DHX35: variants seen among roughly 807,000 people sequenced by gnomAD.
DHX35 encodes probable ATP-dependent RNA helicase DHX35.
DHX35 carries 84 observed loss-of-function variants against 99.6 expected under a neutral mutation model. That is an observed-to-expected ratio of 0.84 (90% CI 0.71 to 1.01). The LOEUF is 1.01. DHX35 is among the 50% of genes least tolerant of loss of function. The probability of loss-of-function intolerance (pLI) is 0.00; values close to 1 mark genes in which losing one functional copy is unlikely to be tolerated. For missense variants in DHX35, 852 were observed against 888.5 expected, an observed-to-expected ratio of 0.96 and a Z score of 0.52; for synonymous variants, 331 against 316.2, an observed-to-expected ratio of 1.05 and a Z score of -0.50.
chr20:38,998,972 T>C (rs2086473828), intron 8 of DHX35, among the ~76,000 whole-genome samples: 1 of 152,120 alleles, frequency 6.6e-6, no homozygotes, highest in Admixed American at 6.5e-5. Context: ...AATTTTTTTG[T>C]ATTTTTAGTA....
rs760844 is a variant in DHX35 at position 38,988,332 on chromosome 20, A to G, written c.346-481A>G. Among the ~76,000 whole-genome samples, 26 of 152,336 alleles carry G rather than the reference A, an allele frequency of 1.7e-4. 1 individual carries two copies. Among genetic ancestry groups the G allele is most frequent in the African/African-American group, 6.3e-4 (26 of 41,574 alleles). On this transcript the variant is annotated intron_variant, in intron 4 of 21. Coordinates refer to ENST00000252011, the MANE Select transcript of DHX35 (RefSeq NM_021931.4). ...AGACCATTATAGAATGAAGTGAGAT[A>G]CATAAGTTAATAATTGGCTGGGTGT...
At chr20:39,024,081 A>G (rs1424652864) in intron 17 of DHX35, among the ~76,000 whole-genome samples, 2 of 152,226 alleles carry the variant, frequency 1.3e-5, no homozygotes, top group Non-Finnish European at 2.9e-5. Context: ...GAAAGGCAAC[A>G]TTTGAATAGG....
chr20:39,009,859 T>C (rs1813310961), intron 12 of DHX35, among the ~76,000 whole-genome samples: 1 of 152,222 alleles, frequency 6.6e-6, no homozygotes, highest in South Asian at 2.1e-4. Context: ...TTTTGCTCTT[T>C]ATAAGATTTG....
intron 12 of DHX35, 128 bp from the exon 13 acceptor site, chr20:39,010,152 C>A: frequency 8.3e-7 from 1 of 1,198,994 alleles, no homozygotes; most frequent in Non-Finnish European, 1.2e-6. Flanking sequence ...ATCATGGTAT[C>A]ATGTGCATCT....
rs2086018012 is a variant in DHX35, at chr20:38,972,522, T to C, written c.175-37T>C. 4 of 1,348,728 alleles carry C rather than the reference T, an allele frequency of 3.0e-6. No individual in the cohort carries two copies. The South Asian group carries it at 3.5e-5, about 12-fold the overall frequency. 83.5% of individuals were successfully genotyped at this position (1,348,728 alleles called of 1,614,324 possible). A position where few individuals can be genotyped will look rare whatever the true frequency, so the allele number is the denominator to read the frequency against. On this transcript the variant is annotated intron_variant, in intron 2 of 21. Coordinates refer to ENST00000252011, the MANE Select transcript of DHX35 (RefSeq NM_021931.4). ...TCGTTGTTTAGGTCTTTTGAGACAA[T>C]GTATGGCTATTTGCAAGGTGTGTTA...
chr20:38,968,192 G>A (rs903575591), intron 1 of DHX35, among the ~76,000 whole-genome samples: 1 of 152,162 alleles, frequency 6.6e-6, no homozygotes, highest in Non-Finnish European at 1.5e-5. Flanking sequence ...CACGATGAAT[G>A]ATTGGTAGAG....
rs1272271392 is a variant in DHX35 at position 39,028,366 on chromosome 20, A to G, written c.1802-52A>G. 8.3e-6 allele frequency: 13 copies of G among 1,565,820 alleles called. No individual in the cohort carries two copies. The Admixed American group carries it at 2.2e-4, about 26-fold the overall frequency. ...GGATCCTGTGCATTAGAGCACACGG[A>G]GCCTAGGGCAGGCAAGGGTTTCACC... is the stretch of plus-strand genomic sequence containing the variant. On this transcript the variant is annotated intron_variant, in intron 18 of 21. Coordinates refer to ENST00000252011, the MANE Select transcript of DHX35 (RefSeq NM_021931.4).
At chr20:39,023,128 C>T (rs1254236497) in intron 16 of DHX35, among the ~76,000 whole-genome samples, 1 of 152,184 alleles carries the variant, frequency 6.6e-6, no homozygotes, top group Non-Finnish European at 1.5e-5. Context: ...AACATTTTAT[C>T]AAATTTCTTT....
At chr20:39,004,678 A>G (rs2086584015) in intron 11 of DHX35, among the ~76,000 whole-genome samples, 3 of 152,244 alleles carry the variant, frequency 2.0e-5, no homozygotes, top group South Asian at 2.1e-4. Flanking sequence ...TGTGGTGGAA[A>G]GCATTGGTTT....
intron 19 of DHX35, chr20:39,029,630 C>T (rs960960327): frequency 5.3e-5 from 8 of 151,968 alleles, no homozygotes; most frequent in African/African-American, 1.9e-4. Context: ...CACGGTGGCC[C>T]GAGATCTTCC....
chr20:38,972,262 T>C (rs2086013240), intron 2 of DHX35, among the ~76,000 whole-genome samples: 1 of 152,156 alleles, frequency 6.6e-6, no homozygotes, highest in Admixed American at 6.5e-5. Flanking sequence ...CCCCCGGCCC[T>C]GGCCTCCCAA....
At chr20:39,017,128 T>C (rs2086799003) in intron 14 of DHX35, among the ~76,000 whole-genome samples, 3 of 152,206 alleles carry the variant, frequency 2.0e-5, no homozygotes, top group Non-Finnish European at 4.4e-5. Context: ...CTTGTAGTCA[T>C]TAAGATATTC....
At position 38,993,660 on chromosome 20, in the gene DHX35, C is replaced by T. The variant is rs574350033; in HGVS notation, c.583-1161C>T. ...GATTACAGGCGTGAGCCACTGTGCC[C>T]GGCCACATTGGCTATTTTTCTTTTC... On this transcript the variant is annotated intron_variant, in intron 7 of 21. Coordinates refer to ENST00000252011, the MANE Select transcript of DHX35 (RefSeq NM_021931.4). Among the ~76,000 whole-genome samples the T allele has an allele frequency of 5.9e-5, 9 of 151,468 alleles. No homozygotes were observed. The East Asian group carries it at 9.8e-4, about 17-fold the overall frequency.
At chr20:39,016,859 T>C (rs893308641) in intron 14 of DHX35, among the ~76,000 whole-genome samples, 17 of 151,436 alleles carry the variant, frequency 1.1e-4, no homozygotes, top group Admixed American at 2.0e-4. Context: ...TTTTTATGTG[T>C]GCTGTTGTCT....
At chr20:39,002,710 G>T (rs2086540885) in intron 9 of DHX35, 62 bp from the exon 10 acceptor site, 2 of 1,446,008 alleles carry the variant, frequency 1.4e-6, no homozygotes, top group South Asian at 1.2e-5. Flanking sequence ...GATTATTAGG[G>T]TAATTGATCT....
chr20:39,034,888 G>T (rs1839553002), intron 21 of DHX35, among the ~76,000 whole-genome samples: 1 of 151,764 alleles, frequency 6.6e-6, no homozygotes, highest in Admixed American at 6.6e-5. Context: ...AAAGTGCTGG[G>T]ATTACAGGTA....
intron 4 of DHX35, among the ~76,000 whole-genome samples, chr20:38,988,574 G>C (rs771318892): frequency 3.9e-4 from 59 of 152,130 alleles, no homozygotes; most frequent in Non-Finnish European, 1.3e-4. Context: ...AGGTTGCAGT[G>C]AGCCGAGATT....
chr20:39,033,142 A>C (rs1237738400), intron 20 of DHX35, among the ~76,000 whole-genome samples: 1 of 152,146 alleles, frequency 6.6e-6, no homozygotes, highest in Admixed American at 6.5e-5. Flanking sequence ...AGACTGAGAC[A>C]GGAGGATCGC....
At chr20:38,967,269 C>G (rs769019349) in intron 1 of DHX35, among the ~76,000 whole-genome samples, 4 of 152,182 alleles carry the variant, frequency 2.6e-5, no homozygotes, top group Non-Finnish European at 5.9e-5. Flanking sequence ...GCTGAATATT[C>G]TTGTTACAAA....
Sources: allele counts gnomAD v4.1 joint callset (sites outside exome capture counted in the v4.1 genomes callset), GRCh38; gene constraint gnomAD v4.1.1; transcripts MANE v1.5; gene names NCBI Gene and HGNC (gene_info 2026-07-23, HGNC 2026-07-21).